Variants in EYA3 observed in about 807,000 individuals in gnomAD.
EYA3 encodes the protein EYA transcriptional coactivator and phosphatase 3.
EYA3 carries 39 observed loss-of-function variants against 80.0 expected under a neutral mutation model. The observed-to-expected ratio is 0.49, with a 90% CI of 0.38 to 0.64. EYA3 has a LOEUF of 0.64. Ranked by LOEUF, EYA3 falls within the 30% of genes least tolerant of loss-of-function variation. The probability of loss-of-function intolerance (pLI) is 0.00; values close to 1 mark genes in which losing one functional copy is unlikely to be tolerated. For synonymous variants in EYA3, 206 were observed against 232.8 expected (o/e 0.88, Z 1.05); for missense variants, 523 against 676.1 (o/e 0.77, Z 2.51).
rs142622240 is a variant in EYA3 at position 27,973,411 on chromosome 1, G to C, written c.*1055C>G. The C allele has an allele frequency of 9.8e-5, 15 of 152,374 alleles. No individual in the cohort carries two copies. The highest frequency in any genetic ancestry group is 3.6e-4 in the African/African-American group (15 of 41,524). The allele number at this position is 152,374 out of a possible 1,614,324, so 9.4% of individuals were successfully genotyped here. On this transcript the variant is annotated 3_prime_UTR_variant, in exon 18 of 18. Transcript: ENST00000373871. Reference sequence around the variant, plus strand: ...CCAAGAAGGAAGAAGCTGCAGGGACGAGCATCTGATGGGAAATGGGTGCTT... The same window carrying C: ...CCAAGAAGGAAGAAGCTGCAGGGACCAGCATCTGATGGGAAATGGGTGCTT...
chr1:28,011,903 T>C (rs1445051076), intron 9 of EYA3, among the ~76,000 whole-genome samples: 1 of 152,188 alleles, frequency 6.6e-6, no homozygotes, highest in Non-Finnish European at 1.5e-5. Flanking sequence ...TATGTTGTTT[T>C]GAAATATGTA....
chr1:27,978,014 G>A (rs1016765965), intron 17 of EYA3, among the ~76,000 whole-genome samples: 2 of 152,130 alleles, frequency 1.3e-5, no homozygotes, highest in African/African-American at 4.8e-5. Context: ...CTTGAAGCAT[G>A]GAAAAGAAAG....
chr1:28,063,228 C>T (rs1250688188), intron 1 of EYA3, among the ~76,000 whole-genome samples: 1 of 151,090 alleles, frequency 6.6e-6, no homozygotes, highest in Non-Finnish European at 1.5e-5. Flanking sequence ...AAAAGGTAGT[C>T]CATAGATTTG....
intron 7 of EYA3, among the ~76,000 whole-genome samples, chr1:28,023,431 A>G (rs892621616): frequency 1.3e-5 from 2 of 152,176 alleles, no homozygotes; most frequent in Non-Finnish European, 2.9e-5. Context: ...TATGGAGAAA[A>G]CTGACAAACA....
chr1:28,072,610 C>T (rs564623421), intron 1 of EYA3, among the ~76,000 whole-genome samples: 7 of 152,276 alleles, frequency 4.6e-5, no homozygotes, highest in African/African-American at 1.7e-4. Context: ...TTAGAAATTG[C>T]ACACTGCTGG....
At chr1:27,998,559 G>A (rs1640610461) in intron 12 of EYA3, among the ~76,000 whole-genome samples, 1 of 151,972 alleles carries the variant, frequency 6.6e-6, no homozygotes, top group Non-Finnish European at 1.5e-5. Context: ...TAGAACAGAC[G>A]TTTATTTTAA....
chr1:28,022,008 C>T (rs895090528), intron 7 of EYA3, among the ~76,000 whole-genome samples: 1 of 152,120 alleles, frequency 6.6e-6, no homozygotes, highest in Non-Finnish European at 1.5e-5. Context: ...AGAAGCTGTA[C>T]ATATTTTGGT....
chr1:27,986,598 T>C (rs1214895158), intron 16 of EYA3, among the ~76,000 whole-genome samples: 9 of 151,986 alleles, frequency 5.9e-5, no homozygotes, highest in Admixed American at 5.9e-4. Context: ...AGTTTCACCA[T>C]TGTGGCCAGG....
At chr1:28,070,376 A>C (rs957712956) in intron 1 of EYA3, among the ~76,000 whole-genome samples, 30 of 152,244 alleles carry the variant, frequency 2.0e-4, no homozygotes, top group Middle Eastern at 3.4e-3. Context: ...CCTGGCCAAC[A>C]TGGTGAAACC....
intron 12 of EYA3, among the ~76,000 whole-genome samples, chr1:27,998,643 G>A (rs1474380509): frequency 6.6e-6 from 1 of 151,588 alleles, no homozygotes; most frequent in Non-Finnish European, 1.5e-5. Context: ...GGAGGCCAAG[G>A]TGGGAGGATC....
intron 10 of EYA3, among the ~76,000 whole-genome samples, chr1:28,008,366 C>T (rs991631849): frequency 1.1e-4 from 17 of 151,226 alleles, no homozygotes; most frequent in African/African-American, 3.4e-4. Flanking sequence ...TCTTCATAAC[C>T]GTGTATTAAG....
chr1:28,019,078 A>G (rs762580860), intron 7 of EYA3, among the ~76,000 whole-genome samples: 9 of 152,150 alleles, frequency 5.9e-5, no homozygotes, highest in Non-Finnish European at 1.3e-4. Context: ...AGGCAGGAGA[A>G]TCACTTAAAC....
chr1:27,983,119 T>C (rs1011715294), intron 16 of EYA3, among the ~76,000 whole-genome samples: 36 of 152,172 alleles, frequency 2.4e-4, no homozygotes, highest in African/African-American at 8.2e-4. Flanking sequence ...GTATATAGTA[T>C]ATATTTTAGG....
At chr1:28,057,527 G>A (rs552446402) in intron 2 of EYA3, among the ~76,000 whole-genome samples, 5 of 152,046 alleles carry the variant, frequency 3.3e-5, no homozygotes, top group Admixed American at 1.3e-4. Flanking sequence ...ATTTTATTAT[G>A]TTCAATATTT....
At chr1:27,996,365 C>T (rs1640458763) in intron 13 of EYA3, among the ~76,000 whole-genome samples, 4 of 152,142 alleles carry the variant, frequency 2.6e-5, no homozygotes, top group Admixed American at 2.6e-4. Context: ...GAAAATATAG[C>T]TGCTAAGACA....
Position 27,993,494 on chromosome 1 carries a change from C to A in EYA3, c.1209G>T (p.Val403=). ...SGGSGSHGSS[V]GVQGGVDWMR... Reference sequence around the variant, plus strand: ...TCCAGTCCACACCTCCCTGAACACCCACAGATGAACCATGGCTGCCACTAC... The same window carrying A: ...TCCAGTCCACACCTCCCTGAACACCAACAGATGAACCATGGCTGCCACTAC... The change falls in exon 14 of 18, where the codon GTG becomes GTT. Residue 403 remains valine, a synonymous_variant. Coordinates refer to ENST00000373871, the MANE Select transcript of EYA3 (RefSeq NM_001990.4). 6.2e-7 allele frequency: 1 copy of A among 1,613,014 alleles called. No individual in the cohort carries two copies. Among genetic ancestry groups the A allele is most frequent in the Admixed American group, 1.7e-5 (1 of 59,650 alleles).
chr1:28,012,667 G>A (rs973722712), intron 9 of EYA3, among the ~76,000 whole-genome samples: 9 of 152,270 alleles, frequency 5.9e-5, no homozygotes, highest in Admixed American at 2.0e-4. Flanking sequence ...AGGTTAAATT[G>A]TATATATTTC....
intron 1 of EYA3, among the ~76,000 whole-genome samples, chr1:28,077,980 A>G (rs981194372): frequency 1.3e-5 from 2 of 152,220 alleles, no homozygotes; most frequent in African/African-American, 4.8e-5. Flanking sequence ...TTTAGCTGTT[A>G]GAAGAACTGT....
Position 28,011,101 on chromosome 1 carries a change from T to C in EYA3, c.770-15A>G, listed in dbSNP as rs1340231676. ...AGAAGGGTCTCCTGGAAAGAAAAAGTGAAACATATGTTGTCAGGAGTCACA... is the reference window on the plus strand; with the variant it reads ...AGAAGGGTCTCCTGGAAAGAAAAAGCGAAACATATGTTGTCAGGAGTCACA... On this transcript the variant is annotated splice_polypyrimidine_tract_variant and intron_variant, in intron 9 of 17. Transcript: ENST00000373871. 6.2e-7 allele frequency: 1 copy of C among 1,609,740 alleles called. No individual in the cohort carries two copies. Among genetic ancestry groups the C allele is most frequent in the Non-Finnish European group, 8.5e-7 (1 of 1,178,660 alleles).
Sources: allele counts gnomAD v4.1 joint callset (sites outside exome capture counted in the v4.1 genomes callset), GRCh38; gene constraint gnomAD v4.1.1; transcripts MANE v1.5; gene names NCBI Gene and HGNC (gene_info 2026-07-23, HGNC 2026-07-21).